Variants in NPAS2 observed in about 807,000 individuals in gnomAD.
NPAS2 encodes neuronal PAS domain-containing protein 2.
A neutral mutation model predicts 107.5 loss-of-function variants in NPAS2; 23 were observed. The observed-to-expected ratio is 0.21, with a 90% CI of 0.15 to 0.30. The LOEUF is 0.30. Ranked by LOEUF, NPAS2 falls within the 10% of genes least tolerant of loss-of-function variation. The probability of loss-of-function intolerance (pLI) is 1.00; values close to 1 mark genes in which losing one functional copy is unlikely to be tolerated. For synonymous variants in NPAS2, 403 were observed against 417.5 expected, an observed-to-expected ratio of 0.97 and a Z score of 0.42; for missense variants, 756 against 1,043.3, an observed-to-expected ratio of 0.72 and a Z score of 3.79.
chr2:100,992,007 C>T (rs1207277330), intron 19 of NPAS2, among the ~76,000 whole-genome samples: 2 of 152,162 alleles, frequency 1.3e-5, no homozygotes, highest in Non-Finnish European at 2.9e-5. Flanking sequence ...TAAGGAGGGA[C>T]CTGCAGGTTG....
chr2:100,925,173 G>T lies in NPAS2; in HGVS notation c.60G>T (p.Lys20Asn). ...CTTCTCGAAACAAGTCTGAGAAGAAGCGTCGGGACCAGTTCAATGTTCTCA... is the reference window on the plus strand; with the variant it reads ...CTTCTCGAAACAAGTCTGAGAAGAATCGTCGGGACCAGTTCAATGTTCTCA... Reference protein sequence around the residue: ...KRASRNKSEKKRRDQFNVLIK... With the variant: ...KRASRNKSEKNRRDQFNVLIK... The change falls in exon 3 of 21, where the codon AAG (lysine) becomes AAT (asparagine). Residue 20 changes from lysine to asparagine, a missense_variant. By Grantham distance (94) the Lys-to-Asn change is moderately conservative. Transcript: ENST00000335681. 1.2e-6 allele frequency: 2 copies of T among 1,613,040 alleles called. No individual in the cohort carries two copies. The highest frequency in any genetic ancestry group is 8.5e-7 in the Non-Finnish European group (1 of 1,179,208).
chr2:100,861,358 T>C (rs1038387358), intron 1 of NPAS2, among the ~76,000 whole-genome samples: 2 of 152,184 alleles, frequency 1.3e-5, no homozygotes, highest in African/African-American at 4.8e-5. Context: ...TTGGGCTTGA[T>C]ATTCATAGTG....
At chr2:100,930,604 A>C (rs1683872772) in intron 3 of NPAS2, among the ~76,000 whole-genome samples, 1 of 147,358 alleles carries the variant, frequency 6.8e-6, no homozygotes, top group Non-Finnish European at 1.5e-5. Context: ...CCTCGATTCG[A>C]GACATCGTAT....
At chr2:100,833,905 C>A (rs1297264345) in intron 1 of NPAS2, among the ~76,000 whole-genome samples, 1 of 152,098 alleles carries the variant, frequency 6.6e-6, no homozygotes, top group Non-Finnish European at 1.5e-5. Context: ...ATAAGGATCA[C>A]CTGGTTTTCA....
At chr2:100,951,945 C>T (rs1015106998) in intron 7 of NPAS2, among the ~76,000 whole-genome samples, 11 of 151,922 alleles carry the variant, frequency 7.2e-5, no homozygotes, top group African/African-American at 1.5e-4. Context: ...GTCAGGAGAT[C>T]GAGACCATCC....
intron 2 of NPAS2, among the ~76,000 whole-genome samples, chr2:100,912,232 AT>A: frequency 9.5e-6 from 1 of 105,652 alleles, no homozygotes; most frequent in Non-Finnish European, 1.9e-5. Flanking sequence ...TTATTTATTT[AT>A]TTATTTATTT....
chr2:100,916,917 A>G (rs1375778963), intron 2 of NPAS2, among the ~76,000 whole-genome samples: 1 of 152,248 alleles, frequency 6.6e-6, no homozygotes. Context: ...CAAACTGTGT[A>G]GTAATCCATG....
rs1676867665 is a variant in NPAS2, at chr2:100,974,915, C to T, written c.1253C>T (p.Ser418Phe). 1 of 1,613,914 alleles carries T rather than the reference C, an allele frequency of 6.2e-7. No individual in the cohort carries two copies. The highest frequency in any genetic ancestry group is 1.3e-5 in the African/African-American group (1 of 74,912). Residue 418 changes from serine (S) to phenylalanine (F), a missense_variant, in exon 13 of 21, where the codon TCC becomes TTC. Ser to Phe is a radical substitution (Grantham distance 155). Transcript: ENST00000335681. ...GCGTCCTCAAGAAGTTCCCACAAATCCTCGCACACAGCCATGTCAGAACCC... is the reference window on the plus strand; with the variant it reads ...GCGTCCTCAAGAAGTTCCCACAAATTCTCGCACACAGCCATGTCAGAACCC... ...PSASSRSSHK[S>F]SHTAMSEPTS...
In NPAS2 at chr2:100,929,785, G is replaced by A. The variant is rs534167114; in HGVS notation, c.182-3125G>A. Among the ~76,000 whole-genome samples the A allele has an allele frequency of 5.9e-5, 9 of 152,286 alleles. No homozygotes were observed. The South Asian group carries it at 6.2e-4, about 11-fold the overall frequency. Reference sequence around the variant, plus strand: ...ATTTTTAAGGCCCCCAGGTGATTCCGGTGTGCAGTGAGGGTTAAGAACTAT... The same window carrying A: ...ATTTTTAAGGCCCCCAGGTGATTCCAGTGTGCAGTGAGGGTTAAGAACTAT... On this transcript the variant is annotated intron_variant, in intron 3 of 20. Transcript: ENST00000335681.
chr2:100,840,272 T>C (rs1252058520), intron 1 of NPAS2, among the ~76,000 whole-genome samples: 1 of 152,122 alleles, frequency 6.6e-6, no homozygotes, highest in African/African-American at 2.4e-5. Context: ...ATTTTACAGT[T>C]CCAAGGTTAC....
At chr2:100,994,499 G>C (rs1678329513) in intron 20 of NPAS2, 1 of 152,286 alleles carries the variant, frequency 6.6e-6, no homozygotes, top group South Asian at 2.1e-4. Flanking sequence ...TGCACCTGTT[G>C]CAGACAAGAT....
At chr2:100,861,785 C>T (rs1262422359) in intron 1 of NPAS2, among the ~76,000 whole-genome samples, 1 of 152,204 alleles carries the variant, frequency 6.6e-6, no homozygotes, top group Non-Finnish European at 1.5e-5. Context: ...GGCATTTTCA[C>T]AACAGATATG....
rs1182105657 is a variant in NPAS2, at chr2:100,995,550, G to A, written c.2443G>A (p.Glu815Lys). ...TCCCCGAAGGGTCAGCAGTCTGTCT[G>A]AGTCGTCAGGCCTCCAGCAGCCGCC... is the stretch of plus-strand genomic sequence containing the variant. The part of the protein sequence containing the change: ...RPPRRVSSLS[E>K]SSGLQQPPR Residue 815 changes from glutamate (E) to lysine (K), a missense_variant, in exon 21 of 21, where the codon GAG becomes AAG. By Grantham distance (56) the Glu-to-Lys change is moderately conservative. This residue lies in a region of NPAS2 where 496 missense variants were observed against 594.4 expected (regional missense o/e 0.83). Coordinates refer to ENST00000335681, the MANE Select transcript of NPAS2 (RefSeq NM_002518.4). 1.9e-6 allele frequency: 3 copies of A among 1,609,964 alleles called. No homozygotes were observed. Among genetic ancestry groups the A allele is most frequent in the African/African-American group, 2.7e-5 (2 of 74,802 alleles).
intron 10 of NPAS2, among the ~76,000 whole-genome samples, chr2:100,966,391 TG>T (rs1340188648): frequency 6.6e-6 from 1 of 152,068 alleles, no homozygotes; most frequent in Non-Finnish European, 1.5e-5. Context: ...GGACTTACGA[TG>T]TGGGGGAGTG....
In NPAS2 at chr2:100,877,893, A is replaced by G. The variant is rs146863381; in HGVS notation, c.-22-26840A>G. On this transcript the variant is annotated intron_variant, in intron 1 of 20. Transcript: ENST00000335681. ...GAATGCCAAGGACCTTCTCTTGTAC[A>G]ATACCAGGGACCAAGTAAAATGAAA... The G allele has an allele frequency of 1.8e-5, 15 of 850,372 alleles. No individual in the cohort carries two copies. In the African/African-American group the frequency reaches 1.8e-4, roughly 10 times the overall value. 52.7% of individuals were successfully genotyped at this position (850,372 alleles called of 1,614,324 possible). A position where few individuals can be genotyped will look rare whatever the true frequency, so the allele number is the denominator to read the frequency against.
intron 2 of NPAS2, among the ~76,000 whole-genome samples, chr2:100,923,497 G>C (rs907077981): frequency 1.3e-5 from 2 of 152,160 alleles, no homozygotes; most frequent in African/African-American, 4.8e-5. Context: ...TTGTGTCCAA[G>C]GGCTGTTTAT....
intron 3 of NPAS2, among the ~76,000 whole-genome samples, chr2:100,926,168 A>C (rs1683547708): frequency 2.0e-5 from 3 of 152,148 alleles, no homozygotes; most frequent in African/African-American, 7.2e-5. Flanking sequence ...ATTTTGATTA[A>C]CCATTCATCA....
intron 1 of NPAS2, among the ~76,000 whole-genome samples, chr2:100,870,062 G>T (rs939556822): frequency 6.6e-6 from 1 of 151,784 alleles, no homozygotes; most frequent in African/African-American, 2.4e-5. Flanking sequence ...CTGCGACCAC[G>T]CCAGGCTAAT....
At chr2:100,902,529 T>C (rs370202212) in intron 1 of NPAS2, among the ~76,000 whole-genome samples, 3 of 152,174 alleles carry the variant, frequency 2.0e-5, no homozygotes, top group African/African-American at 7.2e-5. Flanking sequence ...AGACAGAAAG[T>C]AGAAGGGCAG....
Sources: gnomAD v4.1 joint callset for allele counts (sites outside exome capture counted in the v4.1 genomes callset) on GRCh38, gnomAD v4.1.1 for gene constraint, gnomAD v4.1.1 regional missense constraint, MANE v1.5 for transcripts, NCBI Gene and HGNC (gene_info 2026-07-23, HGNC 2026-07-21) for gene names.